Variants in EPB41L3 observed in about 807,000 individuals in gnomAD.
EPB41L3 encodes the protein band 4.1-like protein 3.
Under a neutral mutation model 127.1 loss-of-function variants are expected in EPB41L3, and 57 were observed. That is an observed-to-expected ratio of 0.45 (90% confidence interval 0.36 to 0.56). EPB41L3 has a LOEUF of 0.56. Among genes scored for constraint, EPB41L3 ranks in the 20% least tolerant of loss-of-function variants. The pLI, the probability that EPB41L3 is intolerant of heterozygous loss-of-function variation, is 0.00. For synonymous variants in EPB41L3, 572 were observed against 549.5 expected (o/e 1.04, Z -0.57); for missense variants, 1,273 against 1,372.2 (o/e 0.93, Z 1.14).
rs754674772 is a variant in EPB41L3, at chr18:5,423,455, G to A, written c.1262C>T (p.Ala421Val). 9 of 1,613,822 alleles carry A rather than the reference G, an allele frequency of 5.6e-6. No homozygotes were observed. Among genetic ancestry groups the A allele is most frequent in the African/African-American group, 1.3e-5 (1 of 74,898 alleles). Residue 421 changes from alanine to valine, a missense_variant, in exon 11 of 23, where the codon GCG becomes GTG. By Grantham distance (64) the Ala-to-Val change is moderately conservative. Coordinates refer to ENST00000341928, the MANE Select transcript of EPB41L3 (RefSeq NM_012307.5). ...GTAAGGTGCTGGGCGATCTATCAAC[G>A]CACTGGCTCTTCTCGTTTGCGCTTG... ...RTQAQTRRASALIDRPAPYFE... is the reference protein window; with the variant it reads ...RTQAQTRRASVLIDRPAPYFE...
upstream of EPB41L3, among the ~76,000 whole-genome samples, chr18:5,545,858 C>T (rs1469270913): frequency 2.8e-5 from 4 of 143,672 alleles, no homozygotes; most frequent in East Asian, 2.1e-4. Flanking sequence ...ATATCACATA[C>T]GCACCTGTAT....
intron 3 of EPB41L3, among the ~76,000 whole-genome samples, chr18:5,473,222 G>A (rs1231362291): frequency 1.3e-5 from 2 of 152,006 alleles, no homozygotes; most frequent in East Asian, 3.9e-4. Flanking sequence ...GATGTACCTG[G>A]GTCCTATAAG....
intron 1 of EPB41L3, among the ~76,000 whole-genome samples, chr18:5,502,540 T>C (rs1253584389): frequency 1.3e-5 from 2 of 152,198 alleles, no homozygotes; most frequent in African/African-American, 4.8e-5. Flanking sequence ...TTATATGTGG[T>C]TAAGTAAAGA....
intron 3 of EPB41L3, among the ~76,000 whole-genome samples, chr18:5,465,031 T>C (rs545774060): frequency 6.6e-6 from 1 of 152,358 alleles, no homozygotes; most frequent in South Asian, 2.1e-4. Context: ...GTGTAATTAC[T>C]TTCAAAATAT....
At chr18:5,494,503 C>T (rs1219105621) in intron 1 of EPB41L3, among the ~76,000 whole-genome samples, 1 of 152,044 alleles carries the variant, frequency 6.6e-6, no homozygotes, top group East Asian at 1.9e-4. Flanking sequence ...ACTAAAAGTA[C>T]AAAAATTAGC....
chr18:5,541,252 C>CAAAAAAAAAAAA lies in EPB41L3; in HGVS notation c.-12+2649_-12+2660dup, dbSNP rs370717420. On this transcript the variant is annotated intron_variant, in intron 1 of 22. Coordinates refer to ENST00000341928, the MANE Select transcript of EPB41L3 (RefSeq NM_012307.5). ...TGGGTGACACAGAAGGACTCCATCT[C>CAAAAAAAAAAAA]AAAAAAAAAAAAAAAAAAAAAAAAA... is the stretch of plus-strand genomic sequence containing the variant. Among the ~76,000 whole-genome samples, 11 of 46,766 alleles carry CAAAAAAAAAAAA rather than the reference C, an allele frequency of 2.4e-4. 1 individual carries two copies. The highest frequency in any genetic ancestry group is 1.2e-3 in the African/African-American group (11 of 9,094). 30.7% of individuals were successfully genotyped at this position (46,766 alleles called of 152,430 possible).
chr18:5,503,903 A>G (rs1194323206), intron 1 of EPB41L3, among the ~76,000 whole-genome samples: 1 of 152,182 alleles, frequency 6.6e-6, no homozygotes, highest in African/African-American at 2.4e-5. Context: ...CAATGGAGAT[A>G]TTTTTCCATC....
intron 21 of EPB41L3, 136 bp from the exon 22 acceptor site, chr18:5,394,929 A>G: frequency 8.3e-7 from 1 of 1,199,778 alleles, no homozygotes; most frequent in Admixed American, 1.9e-5. Flanking sequence ...AAAAGGAATC[A>G]TAAATCATAT....
chr18:5,529,325 C>CATAT (rs58775836), intron 1 of EPB41L3, among the ~76,000 whole-genome samples: 53 of 150,392 alleles, frequency 3.5e-4, no homozygotes, highest in East Asian at 1.6e-3. Flanking sequence ...CAAATACATA[C>CATAT]ATATATATAT....
At chr18:5,565,688 A>G (rs1280408640) in intron 3 of EPB41L3, among the ~76,000 whole-genome samples, 10 of 129,346 alleles carry the variant, frequency 7.7e-5, no homozygotes, top group African/African-American at 3.0e-4. Context: ...CTCATTGTTC[A>G]ATTCCCATCT....
At chr18:5,476,118 T>C (rs2147836030) in intron 3 of EPB41L3, among the ~76,000 whole-genome samples, 1 of 152,286 alleles carries the variant, frequency 6.6e-6, no homozygotes, top group East Asian at 1.9e-4. Context: ...CAATACATTT[T>C]TCTCATTCAA....
In EPB41L3 at chr18:5,433,896, C is replaced by G; in HGVS notation, c.824+7G>C. On this transcript the variant is annotated splice_region_variant and intron_variant, in intron 7 of 22. Transcript: ENST00000341928. ...ACAACTTAAATGAACACCTTTCTGC[C>G]TCTAACCTGTGGCTCTTGTGCAGCT... 6.2e-7 allele frequency: 1 copy of G among 1,614,152 alleles called. No individual in the cohort carries two copies.
At position 5,478,296 on chromosome 18, in the gene EPB41L3, C is replaced by A. The variant is rs117900256; in HGVS notation, c.326G>T (p.Ser109Ile). The change falls in exon 3 of 23, where the codon AGC (serine) becomes ATC (isoleucine). Residue 109 changes from serine (S) to isoleucine (I), a missense_variant. By Grantham distance (142) the Ser-to-Ile change is moderately radical. Transcript: ENST00000341928. ...GAGAAGTATCACTTTGCACTGCATG[C>A]TTTTAGGCTTTTTGACAATCTTTAA... ...SPLKIVKKPKSMQCKVILLDG... is the reference protein window; with the variant it reads ...SPLKIVKKPKIMQCKVILLDG... 0.012 allele frequency: 19,447 copies of A among 1,614,110 alleles called. 187 individuals carry two copies. Among genetic ancestry groups the A allele is most frequent in the South Asian group, 0.034 (3,126 of 91,074 alleles).
chr18:5,455,084 G>T (rs112002298), intron 3 of EPB41L3, among the ~76,000 whole-genome samples: 1 of 152,118 alleles, frequency 6.6e-6, no homozygotes, highest in South Asian at 2.1e-4. Flanking sequence ...AAGGATTGTT[G>T]TATTAAGATA....
chr18:5,398,682 T>C (rs2074000418), intron 16 of EPB41L3: 1 of 399,564 alleles, frequency 2.5e-6, no homozygotes, highest in African/African-American at 2.1e-5. Context: ...CTCAGTAACG[T>C]AATGGGCAGT....
At chr18:5,614,386 A>G (rs529773080) in exon 2 of EPB41L3, 70 of 152,244 alleles carry the variant, frequency 4.6e-4, no homozygotes, top group African/African-American at 1.7e-3. Flanking sequence ...TTCATGGAAA[A>G]TGTTTATAGA....
chr18:5,395,196 C>A (rs999714124), intron 20 of EPB41L3, 49 bp from the exon 21 acceptor site: 1 of 1,513,540 alleles, frequency 6.6e-7, no homozygotes, highest in African/African-American at 1.4e-5. Context: ...TGGGAGAAAC[C>A]ATCATGGTTC....
upstream of EPB41L3, among the ~76,000 whole-genome samples, chr18:5,546,584 G>A (rs528976301): frequency 6.6e-6 from 1 of 152,032 alleles, no homozygotes; most frequent in South Asian, 2.1e-4. Flanking sequence ...AATATTCCAC[G>A]AATTGAAAAT....
intron 6 of EPB41L3, among the ~76,000 whole-genome samples, chr18:5,434,725 CAT>C (rs1434993288): frequency 6.6e-6 from 1 of 152,238 alleles, no homozygotes; most frequent in African/African-American, 2.4e-5. Context: ...CACATACAAT[CAT>C]GTGCAGAACT....
Sources: allele counts gnomAD v4.1 joint callset (sites outside exome capture counted in the v4.1 genomes callset), GRCh38; gene constraint gnomAD v4.1.1; transcripts MANE v1.5; gene names NCBI Gene and HGNC (gene_info 2026-07-23, HGNC 2026-07-21).